The following ZHX3 variants were observed in gnomAD, a reference collection of about 807,000 sequenced individuals.
ZHX3 encodes zinc fingers and homeoboxes protein 3.
ZHX3 carries 20 observed loss-of-function variants against 64.5 expected under a neutral mutation model. The ratio of observed to expected loss-of-function variants is 0.31; its 90% CI spans 0.22 to 0.45. The LOEUF is 0.45. Ranked by LOEUF, ZHX3 falls within the 20% of genes least tolerant of loss-of-function variation. The pLI, the probability that ZHX3 is intolerant of heterozygous loss-of-function variation, is 1.00. For missense variants in ZHX3, 1,041 were observed against 1,195.8 expected, an observed-to-expected ratio of 0.87 and a Z score of 1.91; for synonymous variants, 423 against 461.6, an observed-to-expected ratio of 0.92 and a Z score of 1.07.
At position 41,221,672 on chromosome 20, in the gene ZHX3, G is replaced by A. The variant is rs148900531; in HGVS notation, c.-150-16606C>T. 1.1e-4 allele frequency among the ~76,000 whole-genome samples: 17 copies of A among 152,284 alleles called. No individual in the cohort carries two copies. In the East Asian group the frequency reaches 2.9e-3, roughly 26 times the overall value. ...CTGAAGAAATGTGGAGCATGGCAGG[G>A]GTGAGACTGCAATTTAGATATACAG... On this transcript the variant is annotated intron_variant, in intron 2 of 3. Coordinates refer to ENST00000683867, the MANE Select transcript of ZHX3 (RefSeq NM_001384317.1).
intron 2 of ZHX3, among the ~76,000 whole-genome samples, chr20:41,208,019 G>A (rs1038466941): frequency 3.9e-5 from 6 of 152,140 alleles, no homozygotes; most frequent in South Asian, 2.1e-4. Flanking sequence ...TATCACCACC[G>A]ATCCCATAGA....
intron 2 of ZHX3, among the ~76,000 whole-genome samples, chr20:41,234,687 A>C (rs2040846521): frequency 6.6e-6 from 1 of 152,276 alleles, no homozygotes; most frequent in African/African-American, 2.4e-5. Flanking sequence ...TCACTGCTTG[A>C]ATACAGCCCT....
At chr20:41,291,549 G>C (rs1373346201) in intron 1 of ZHX3, among the ~76,000 whole-genome samples, 2 of 151,214 alleles carry the variant, frequency 1.3e-5, no homozygotes, top group Non-Finnish European at 2.9e-5. Context: ...TGAAAGCTGT[G>C]GTTACATAAA....
rs370811281 is a variant in ZHX3 at position 41,249,589 on chromosome 20, C to G, written c.-151+19401G>C. ...TGGAGTAAGAAAGCCTTTCAGATAT[C>G]AAGGTCGTTGGGAGGCCTCCTTCCC... is the stretch of plus-strand genomic sequence containing the variant. On this transcript the variant is annotated intron_variant, in intron 2 of 3. Coordinates refer to ENST00000683867, the MANE Select transcript of ZHX3 (RefSeq NM_001384317.1). Among the ~76,000 whole-genome samples the G allele has an allele frequency of 1.6e-4, 24 of 152,296 alleles. 1 individual carries two copies. The East Asian group carries it at 2.7e-3, about 17-fold the overall frequency.
Position 41,190,436 on chromosome 20 carries a change from G to A in ZHX3, c.2861-5235C>T, listed in dbSNP as rs552523080. On this transcript the variant is annotated intron_variant, in intron 3 of 3. Coordinates refer to ENST00000683867, the MANE Select transcript of ZHX3 (RefSeq NM_001384317.1). ...TCTGCCCACCTTGACCTCCCAAAGTGCTGGAATTACAGGCATGAGCCACCA... is the reference window on the plus strand; with the variant it reads ...TCTGCCCACCTTGACCTCCCAAAGTACTGGAATTACAGGCATGAGCCACCA... Among the ~76,000 whole-genome samples, 73 of 152,282 alleles carry A rather than the reference G, an allele frequency of 4.8e-4. No homozygotes were observed. In the Middle Eastern group the frequency reaches 0.017, roughly 35 times the overall value.
intron 1 of ZHX3, among the ~76,000 whole-genome samples, chr20:41,311,342 T>C (rs975585753): frequency 1.3e-5 from 2 of 152,234 alleles, no homozygotes; most frequent in Non-Finnish European, 2.9e-5. Flanking sequence ...TTTCTCCATT[T>C]ACAGCTGAAA....
At chr20:41,258,911 G>T (rs1215223822) in intron 2 of ZHX3, among the ~76,000 whole-genome samples, 4 of 152,030 alleles carry the variant, frequency 2.6e-5, no homozygotes, top group Non-Finnish European at 5.9e-5. Flanking sequence ...GAGATTAGTT[G>T]ATATGATTTC....
intron 2 of ZHX3, chr20:41,254,510 T>G (rs2042140896): frequency 6.6e-6 from 1 of 152,184 alleles, no homozygotes. Context: ...CACAGCAGAT[T>G]ATTCCAGTAT....
In ZHX3 at chr20:41,184,697, C is replaced by T. The variant is rs1260436140; in HGVS notation, c.*494G>A. The T allele has an allele frequency of 5.0e-6, 3 of 595,938 alleles. No homozygotes were observed. Among genetic ancestry groups the T allele is most frequent in the Non-Finnish European group, 8.7e-6 (3 of 345,246 alleles). 36.9% of individuals were successfully genotyped at this position (595,938 alleles called of 1,614,324 possible). ...ACGTAGCTTTGTGCCTATAACTTCCCTGCCTGACTGTGGAAGGTGAGGGGC... is the reference window on the plus strand; with the variant it reads ...ACGTAGCTTTGTGCCTATAACTTCCTTGCCTGACTGTGGAAGGTGAGGGGC... On this transcript the variant is annotated 3_prime_UTR_variant, in exon 4 of 4. Transcript: ENST00000683867.
At position 41,193,604 on chromosome 20, in the gene ZHX3, T is replaced by C. The variant is rs549072844; in HGVS notation, c.2861-8403A>G. ...ACTGTGCCCAGCTAAATACAAATGA[T>C]TTTTTTTGTTTTTATATCCTGCAGC... On this transcript the variant is annotated intron_variant, in intron 3 of 3. Coordinates refer to ENST00000683867, the MANE Select transcript of ZHX3 (RefSeq NM_001384317.1). Among the ~76,000 whole-genome samples the C allele has an allele frequency of 2.7e-5, 4 of 149,982 alleles. No individual in the cohort carries two copies. The East Asian group carries it at 7.7e-4, about 29-fold the overall frequency.
At chr20:41,307,964 A>G (rs2045027532) in intron 1 of ZHX3, among the ~76,000 whole-genome samples, 1 of 152,212 alleles carries the variant, frequency 6.6e-6, no homozygotes, top group African/African-American at 2.4e-5. Context: ...TAAGGTACCT[A>G]GTTCACAGCA....
chr20:41,202,067 T>G lies in ZHX3; in HGVS notation c.2850A>C (p.Gly950=). The change falls in exon 3 of 4, where the codon GGA becomes GGC. Residue 950 remains glycine, a synonymous_variant. Transcript: ENST00000683867. The surrounding 1 kb of genome is among the most constrained non-coding windows in gnomAD (Gnocchi z 7.0). The part of the protein sequence containing the change: ...EPFDTSSPQA[G]RQLETD ...CTGTGGACTCCTTACCGAGCTGACGTCCAGCCTGGGGACTCGATGTGTCAA... is the reference window on the plus strand; with the variant it reads ...CTGTGGACTCCTTACCGAGCTGACGGCCAGCCTGGGGACTCGATGTGTCAA... 1 of 1,598,038 alleles carries G rather than the reference T, an allele frequency of 6.3e-7. No homozygotes were observed. Among genetic ancestry groups the G allele is most frequent in the African/African-American group, 1.3e-5 (1 of 74,704 alleles).
At position 41,276,843 on chromosome 20, in the gene ZHX3, T is replaced by C. The variant is rs117857346; in HGVS notation, c.-244-7760A>G. Reference sequence around the variant, plus strand: ...CCTCAATTTTTAAATAGCCAAAACCTGGACACATCCTACATACCTGTCAGC... The same window carrying C: ...CCTCAATTTTTAAATAGCCAAAACCCGGACACATCCTACATACCTGTCAGC... On this transcript the variant is annotated intron_variant, in intron 1 of 3. Transcript: ENST00000683867. 7.0e-3 allele frequency among the ~76,000 whole-genome samples: 1,064 copies of C among 152,332 alleles called. 11 individuals carry two copies. Among genetic ancestry groups the C allele is most frequent in the Non-Finnish European group, 8.4e-3 (569 of 68,026 alleles).
rs367938632 is a variant in ZHX3 at position 41,228,618 on chromosome 20, A to C, written c.-150-23552T>G. On this transcript the variant is annotated intron_variant, in intron 2 of 3. Coordinates refer to ENST00000683867, the MANE Select transcript of ZHX3 (RefSeq NM_001384317.1). This position sits in a 1 kb window ranked among gnomAD's most constrained non-coding sequence, Gnocchi z 4.6. ...GGGAGTGTCTGGGGTCTCTTTTATA[A>C]GGCCACTAGTTCCATTCATGAGAGC... Among the ~76,000 whole-genome samples, 77 of 152,224 alleles carry C rather than the reference A, an allele frequency of 5.1e-4. 1 individual carries two copies. The highest frequency in any genetic ancestry group is 4.8e-3 in the East Asian group (25 of 5,172).
At chr20:41,246,513 T>C (rs2041695651) in intron 2 of ZHX3, among the ~76,000 whole-genome samples, 1 of 152,224 alleles carries the variant, frequency 6.6e-6, no homozygotes, top group Admixed American at 6.5e-5. Context: ...GCTGATATTT[T>C]CATAGGGTAA....
intron 1 of ZHX3, among the ~76,000 whole-genome samples, chr20:41,300,336 A>G (rs2044755936): frequency 1.3e-5 from 2 of 152,092 alleles, no homozygotes; most frequent in Admixed American, 6.5e-5. Context: ...GATTATTTCT[A>G]GTTAAATTAA....
Position 41,203,113 on chromosome 20 carries a change from G to A in ZHX3, c.1804C>T (p.Arg602Ter), listed in dbSNP as rs758183955. 1.1e-5 allele frequency: 17 copies of A among 1,613,980 alleles called. No homozygotes were observed. The highest frequency in any genetic ancestry group is 1.6e-4 in the Middle Eastern group (1 of 6,084). The change falls in exon 3 of 4, where the codon CGA (arginine) becomes TGA (stop). Residue 602 changes from arginine (R) to a stop codon, truncating the protein, a stop_gained. Coordinates refer to ENST00000683867, the MANE Select transcript of ZHX3 (RefSeq NM_001384317.1). LOFTEE classifies it high-confidence loss of function. The surrounding 1 kb of genome is among the most constrained non-coding windows in gnomAD (Gnocchi z 7.1). ...TCAGGAGTCTGGTGCCAAGATTGTC[G>A]TTTGGCAGAAGGGTGGGTTGCTAGT... Reference protein sequence around the residue: ...ATLATHPSAKRQSWHQTPDFT... With the variant: ...ATLATHPSAK
At chr20:41,223,022 G>A (rs1343833551) in intron 2 of ZHX3, among the ~76,000 whole-genome samples, 1 of 151,964 alleles carries the variant, frequency 6.6e-6, no homozygotes, top group South Asian at 2.1e-4. Flanking sequence ...TTCTTCAATG[G>A]CCTCACTACA....
At chr20:41,216,574 A>G (rs1308044297) in intron 2 of ZHX3, among the ~76,000 whole-genome samples, 5 of 152,214 alleles carry the variant, frequency 3.3e-5, no homozygotes, top group Non-Finnish European at 7.4e-5. Flanking sequence ...CTTTTAAACA[A>G]CTTCAGCATT....
Sources: allele counts gnomAD v4.1 joint callset (sites outside exome capture counted in the v4.1 genomes callset), GRCh38; gene constraint gnomAD v4.1.1; non-coding constraint Gnocchi (gnomAD v3.1); transcripts MANE v1.5; gene names NCBI Gene and HGNC (gene_info 2026-07-23, HGNC 2026-07-21).